DLG2: variants seen among roughly 807,000 people sequenced by gnomAD.
DLG2 encodes discs large MAGUK scaffold protein 2.
DLG2 carries 45 observed loss-of-function variants against 132.5 expected under a neutral mutation model. The ratio of observed to expected loss-of-function variants is 0.34; its 90% CI spans 0.27 to 0.44. The LOEUF (loss-of-function observed/expected upper bound fraction) is 0.44. Among genes scored for constraint, DLG2 ranks in the 20% least tolerant of loss-of-function variants. The pLI, the probability that DLG2 is intolerant of heterozygous loss-of-function variation, is 1.00. For missense variants in DLG2, 1,045 were observed against 1,196.9 expected (o/e 0.87, Z 1.87); for synonymous variants, 424 against 419.6 (o/e 1.01, Z -0.13).
chr11:85,458,820 G>A (rs1367518091), intron 3 of DLG2, among the ~76,000 whole-genome samples: 1 of 152,190 alleles, frequency 6.6e-6, no homozygotes, highest in African/African-American at 2.4e-5. Flanking sequence ...CTTCTTCTCA[G>A]TGCTTTGAAA....
chr11:84,957,381 C>A (rs556425479), intron 6 of DLG2, among the ~76,000 whole-genome samples: 1 of 152,114 alleles, frequency 6.6e-6, no homozygotes, highest in East Asian at 1.9e-4. Flanking sequence ...ATAATTTAGT[C>A]CACATTATAT....
Position 84,923,532 on chromosome 11 carries a change from A to T in DLG2, c.357+188129T>A, listed in dbSNP as rs1054992683. On this transcript the variant is annotated intron_variant, in intron 6 of 27. Coordinates refer to ENST00000376104, the MANE Select transcript of DLG2 (RefSeq NM_001142699.3). ...CAATGAGTTACTTATATTTCTGGAG[A>T]GCCCCGGTGTTATCCTATTAAATAC... The T allele has an allele frequency of 6.8e-6, 7 of 1,027,010 alleles. No homozygotes were observed. In the South Asian group the frequency reaches 1.8e-4, roughly 26 times the overall value. The allele number at this position is 1,027,010 out of a possible 1,614,324, so 63.6% of individuals were successfully genotyped here. A position where few individuals can be genotyped will look rare whatever the true frequency, so the allele number is the denominator to read the frequency against.
intron 6 of DLG2, among the ~76,000 whole-genome samples, chr11:84,740,830 G>A (rs1214759296): frequency 6.6e-6 from 1 of 152,142 alleles, no homozygotes; most frequent in African/African-American, 2.4e-5. Flanking sequence ...GAGTGGGAGA[G>A]GTTCTTGAGC....
intron 7 of DLG2, among the ~76,000 whole-genome samples, chr11:84,363,307 T>C (rs1191386268): frequency 2.6e-5 from 4 of 151,550 alleles, no homozygotes; most frequent in Non-Finnish European, 5.9e-5. Flanking sequence ...ATAAATGTCT[T>C]CTTTTGAGAA....
At chr11:84,315,353 T>A (rs1382529981) in intron 7 of DLG2, among the ~76,000 whole-genome samples, 4 of 152,174 alleles carry the variant, frequency 2.6e-5, no homozygotes, top group Non-Finnish European at 5.9e-5. Flanking sequence ...GTATGTTACA[T>A]CTTGGATTAA....
chr11:84,564,562 G>A (rs1210850841), intron 6 of DLG2, among the ~76,000 whole-genome samples: 1 of 152,062 alleles, frequency 6.6e-6, no homozygotes, highest in Non-Finnish European at 1.5e-5. Flanking sequence ...GCCCAAAATA[G>A]CACCTCCATT....
At chr11:84,670,525 G>A (rs530245644) in intron 6 of DLG2, among the ~76,000 whole-genome samples, 11 of 152,184 alleles carry the variant, frequency 7.2e-5, no homozygotes, top group Non-Finnish European at 1.3e-4. Flanking sequence ...AAGTGGTGTC[G>A]ATTTCACAAC....
chr11:84,842,824 A>G (rs990798947), intron 6 of DLG2, among the ~76,000 whole-genome samples: 1 of 151,910 alleles, frequency 6.6e-6, no homozygotes, highest in African/African-American at 2.4e-5. Flanking sequence ...GTGTGGATGC[A>G]CACATATATG....
At chr11:83,473,147 T>G (rs2092270558) in intron 22 of DLG2, among the ~76,000 whole-genome samples, 1 of 152,124 alleles carries the variant, frequency 6.6e-6, no homozygotes, top group Non-Finnish European at 1.5e-5. Flanking sequence ...TGCTACATAA[T>G]CAGAATTGCT....
intron 6 of DLG2, among the ~76,000 whole-genome samples, chr11:84,727,181 C>T (rs140223243): frequency 6.6e-6 from 1 of 152,168 alleles, no homozygotes; most frequent in Non-Finnish European, 1.5e-5. Flanking sequence ...TGCCTATGTC[C>T]TGAATGGTAT....
At chr11:84,723,623 G>A (rs2062076807) in intron 6 of DLG2, among the ~76,000 whole-genome samples, 1 of 152,044 alleles carries the variant, frequency 6.6e-6, no homozygotes, top group Non-Finnish European at 1.5e-5. Context: ...ATGAATTACT[G>A]TTACCTTAAG....
intron 3 of DLG2, among the ~76,000 whole-genome samples, chr11:85,594,784 A>G (rs1416667836): frequency 6.6e-6 from 1 of 152,144 alleles, no homozygotes; most frequent in Non-Finnish European, 1.5e-5. Flanking sequence ...AAAATGATTC[A>G]AGGCCGGGCA....
chr11:84,272,927 T>C (rs1235694901), intron 7 of DLG2, among the ~76,000 whole-genome samples: 1 of 152,170 alleles, frequency 6.6e-6, no homozygotes, highest in Admixed American at 6.5e-5. Context: ...ATGAGTTTGA[T>C]TGGACCACTG....
At chr11:84,265,802 C>G (rs2154360498) in intron 7 of DLG2, among the ~76,000 whole-genome samples, 1 of 151,896 alleles carries the variant, frequency 6.6e-6, no homozygotes, top group South Asian at 2.1e-4. Flanking sequence ...TCCCATTGCT[C>G]CTAAGCATCT....
At chr11:83,563,881 C>T (rs1444672557) in intron 19 of DLG2, among the ~76,000 whole-genome samples, 2 of 152,178 alleles carry the variant, frequency 1.3e-5, no homozygotes, top group Non-Finnish European at 2.9e-5. Flanking sequence ...TTCAATGTCT[C>T]TTTCATATTA....
chr11:83,811,053 G>A (rs1429114221), intron 17 of DLG2, among the ~76,000 whole-genome samples: 4 of 152,072 alleles, frequency 2.6e-5, no homozygotes, highest in African/African-American at 9.7e-5. Flanking sequence ...TGTAATAGAA[G>A]GGAAAGAGTG....
intron 17 of DLG2, among the ~76,000 whole-genome samples, chr11:83,805,113 C>T (rs914019661): frequency 2.0e-5 from 3 of 152,072 alleles, no homozygotes; most frequent in African/African-American, 7.2e-5. Flanking sequence ...ACATGGACCA[C>T]CAGATCTCTT....
intron 6 of DLG2, among the ~76,000 whole-genome samples, chr11:85,106,635 C>T (rs1406980567): frequency 6.6e-6 from 1 of 151,952 alleles, no homozygotes; most frequent in Non-Finnish European, 1.5e-5. Context: ...TAATTATGTG[C>T]CAGGTGCTAT....
At chr11:83,874,332 G>T in intron 16 of DLG2, 88 bp downstream of exon 16, 1 of 857,862 alleles carries the variant, frequency 1.2e-6, no homozygotes, top group Non-Finnish European at 1.7e-6. Context: ...AGGGAGGGAA[G>T]GAGAAAGAGA....
Sources: allele counts gnomAD v4.1 joint callset (sites outside exome capture counted in the v4.1 genomes callset), GRCh38; gene constraint gnomAD v4.1.1; transcripts MANE v1.5; gene names NCBI Gene and HGNC (gene_info 2026-07-23, HGNC 2026-07-21).